Variants in FAR1 observed in about 807,000 individuals in gnomAD.
The protein encoded by FAR1 is male sterility domain-containing protein 2.
Under a neutral mutation model 61.1 loss-of-function variants are expected in FAR1, and 22 were observed. The ratio of observed to expected loss-of-function variants is 0.36; its 90% CI spans 0.26 to 0.51. The LOEUF is 0.51. Ranked by LOEUF, FAR1 falls within the 20% of genes least tolerant of loss-of-function variation. The pLI is 0.95. For missense variants in FAR1, 359 were observed against 626.9 expected (o/e 0.57, Z 4.56); for synonymous variants, 206 against 209.7 (o/e 0.98, Z 0.15).
chr11:13,692,824 A>C (rs527493773), intron 1 of FAR1, among the ~76,000 whole-genome samples: 17 of 152,298 alleles, frequency 1.1e-4, no homozygotes, highest in African/African-American at 4.1e-4. Context: ...CTTGTGAACA[A>C]CTTAGAGAAT....
At chr11:13,690,166 C>G (rs544784675) in intron 1 of FAR1, among the ~76,000 whole-genome samples, 1 of 152,220 alleles carries the variant, frequency 6.6e-6, no homozygotes, top group East Asian at 1.9e-4. Flanking sequence ...TGTGAACCAC[C>G]GCGCCTGGCC....
intron 3 of FAR1, among the ~76,000 whole-genome samples, chr11:13,702,870 C>T (rs1848391849): frequency 1.3e-5 from 2 of 152,202 alleles, no homozygotes; most frequent in Non-Finnish European, 2.9e-5. Flanking sequence ...AACTTTCTTT[C>T]TGTCCCCCTA....
intron 9 of FAR1, chr11:13,720,255 TAAG>T (rs933299488): frequency 2.0e-5 from 3 of 152,158 alleles, no homozygotes; most frequent in Non-Finnish European, 4.4e-5. Flanking sequence ...AACTTTTTAA[TAAG>T]GTATATATAG....
intron 5 of FAR1, 183 bp downstream of exon 5, chr11:13,711,053 C>T: frequency 1.8e-6 from 1 of 557,766 alleles, no homozygotes; most frequent in Non-Finnish European, 3.1e-6. Context: ...TAATGTGACG[C>T]TGGGTATATA....
intron 10 of FAR1, 79 bp from the exon 11 acceptor site, chr11:13,727,477 T>G: frequency 7.4e-7 from 1 of 1,355,182 alleles, no homozygotes; most frequent in East Asian, 2.5e-5. Context: ...GAACTGGCCT[T>G]TAGAAAAAGT....
At chr11:13,689,074 C>A (rs1272572407) in intron 1 of FAR1, among the ~76,000 whole-genome samples, 1 of 152,158 alleles carries the variant, frequency 6.6e-6, no homozygotes, top group Non-Finnish European at 1.5e-5. Flanking sequence ...TCTGAGAAAT[C>A]AATCAAAATT....
chr11:13,700,240 G>A, intron 2 of FAR1, 77 bp from the exon 3 acceptor site: 1 of 1,083,984 alleles, frequency 9.2e-7, no homozygotes, highest in Non-Finnish European at 1.3e-6. Flanking sequence ...CATCCTTGGT[G>A]GGAAAAAAAT....
At chr11:13,715,247 C>T (rs1244619957) in intron 9 of FAR1, among the ~76,000 whole-genome samples, 1 of 152,140 alleles carries the variant, frequency 6.6e-6, no homozygotes, top group Non-Finnish European at 1.5e-5. Flanking sequence ...TTTAGATTTA[C>T]TCACCTGATT....
chr11:13,717,981 C>T (rs146746764), intron 9 of FAR1, among the ~76,000 whole-genome samples: 1 of 152,186 alleles, frequency 6.6e-6, no homozygotes, highest in East Asian at 1.9e-4. Context: ...GGAATCCAGC[C>T]TATTAGACGA....
At chr11:13,708,387 T>G (rs1848457315) in intron 4 of FAR1, among the ~76,000 whole-genome samples, 1 of 150,620 alleles carries the variant, frequency 6.6e-6, no homozygotes, top group African/African-American at 2.4e-5. Flanking sequence ...AAAAAACCTT[T>G]GGATTCAAGT....
At chr11:13,696,219 T>C (rs1848305118) in intron 2 of FAR1, among the ~76,000 whole-genome samples, 2 of 152,214 alleles carry the variant, frequency 1.3e-5, no homozygotes. Flanking sequence ...CTCCCCCCAG[T>C]GAGGGGTTAT....
At chr11:13,708,384 C>T (rs1434716506) in intron 4 of FAR1, among the ~76,000 whole-genome samples, 1 of 150,596 alleles carries the variant, frequency 6.6e-6, no homozygotes, top group Non-Finnish European at 1.5e-5. Context: ...AAAAAAAAAC[C>T]TTTGGATTCA....
chr11:13,681,435 T>G (rs1042837928), intron 1 of FAR1, among the ~76,000 whole-genome samples: 3 of 152,228 alleles, frequency 2.0e-5, no homozygotes, highest in African/African-American at 7.2e-5. Flanking sequence ...ACCCTAACTG[T>G]TCTCTCATTC....
intron 10 of FAR1, among the ~76,000 whole-genome samples, chr11:13,725,562 A>C (rs1848660080): frequency 1.3e-5 from 2 of 152,204 alleles, no homozygotes; most frequent in Non-Finnish European, 2.9e-5. Context: ...AATGCAGACT[A>C]AAGTTAGACT....
rs1215312476 is a variant in FAR1 at position 13,729,579 on chromosome 11, A to C, written c.*805A>C. ...TATGATCAAATAAAAATCTTGTGAG[A>C]TTGTTTATGTTTTGAAGCAGGAGGA... is the stretch of plus-strand genomic sequence containing the variant. On this transcript the variant is annotated 3_prime_UTR_variant, in exon 12 of 12. Transcript: ENST00000354817. 4.6e-5 allele frequency: 7 copies of C among 151,922 alleles called. No individual in the cohort carries two copies. The highest frequency in any genetic ancestry group is 4.6e-4 in the Admixed American group (7 of 15,244). The allele number at this position is 151,922 out of a possible 1,614,324, so 9.4% of individuals were successfully genotyped here. A position where few individuals can be genotyped will look rare whatever the true frequency, so the allele number is the denominator to read the frequency against.
chr11:13,670,457 A>T (rs1847988121), intron 1 of FAR1, among the ~76,000 whole-genome samples: 1 of 151,924 alleles, frequency 6.6e-6, no homozygotes, highest in South Asian at 2.1e-4. Context: ...CGCACCGGCT[A>T]ATTTTTGTAT....
At chr11:13,673,039 G>A (rs1848027820) in intron 1 of FAR1, among the ~76,000 whole-genome samples, 2 of 152,158 alleles carry the variant, frequency 1.3e-5, no homozygotes, top group Non-Finnish European at 2.9e-5. Flanking sequence ...AAGACAAAAT[G>A]GAAGTGCTGG....
chr11:13,729,632 T>C lies in FAR1; in HGVS notation c.*858T>C, dbSNP rs1184782892. The C allele has an allele frequency of 6.6e-6, 1 of 151,934 alleles. No individual in the cohort carries two copies. Among genetic ancestry groups the C allele is most frequent in the Non-Finnish European group, 1.5e-5 (1 of 67,860 alleles). The allele number at this position is 151,934 out of a possible 1,614,324, so 9.4% of individuals were successfully genotyped here. A position where few individuals can be genotyped will look rare whatever the true frequency, so the allele number is the denominator to read the frequency against. On this transcript the variant is annotated 3_prime_UTR_variant, in exon 12 of 12. Transcript: ENST00000354817. The stretch of plus-strand genomic sequence containing the variant: ...TCTTGAGATTTGATGGAAGTGGGAG[T>C]TGGGAAGGATTCACCATACTTGTGT...
At chr11:13,722,723 C>G (rs1848624219) in intron 10 of FAR1, among the ~76,000 whole-genome samples, 1 of 151,992 alleles carries the variant, frequency 6.6e-6, no homozygotes, top group South Asian at 2.1e-4. Flanking sequence ...GTGATCTGCC[C>G]ACCTCAGCCT....
Sources: gnomAD v4.1 joint callset for allele counts (sites outside exome capture counted in the v4.1 genomes callset) on GRCh38, gnomAD v4.1.1 for gene constraint, MANE v1.5 for transcripts, NCBI Gene and HGNC (gene_info 2026-07-23, HGNC 2026-07-21) for gene names.